PTPRQ: variants seen among roughly 807,000 people sequenced by gnomAD.
PTPRQ encodes the protein protein tyrosine phosphatase receptor type Q.
A neutral mutation model predicts 246.0 loss-of-function variants in PTPRQ; 199 were observed. That is an observed-to-expected ratio of 0.81 (90% CI 0.72 to 0.91). The LOEUF (loss-of-function observed/expected upper bound fraction) is 0.91. Ranked by LOEUF, PTPRQ falls within the 40% of genes least tolerant of loss-of-function variation. The pLI, the probability that PTPRQ is intolerant of heterozygous loss-of-function variation, is 0.00. For synonymous variants in PTPRQ, 869 were observed against 853.2 expected (o/e 1.02, Z -0.32); for missense variants, 2,624 against 2,528.4 (o/e 1.04, Z -0.81).
At chr12:80,454,912 C>T (rs1233908291) in intron 3 of PTPRQ, among the ~76,000 whole-genome samples, 2 of 152,228 alleles carry the variant, frequency 1.3e-5, no homozygotes, top group African/African-American at 4.8e-5. Flanking sequence ...TGCAGTGCCT[C>T]ATGCCTGTAA....
At chr12:80,570,676 G>A (rs554924940) in intron 25 of PTPRQ, among the ~76,000 whole-genome samples, 4 of 152,232 alleles carry the variant, frequency 2.6e-5, no homozygotes, top group African/African-American at 9.6e-5. Flanking sequence ...TGTCCTGAAT[G>A]GTATTGTGTA....
intron 8 of PTPRQ, among the ~76,000 whole-genome samples, chr12:80,480,682 T>G (rs111776018): frequency 1.3e-5 from 2 of 151,864 alleles, no homozygotes; most frequent in Admixed American, 1.3e-4. Context: ...TACAAAATGA[T>G]AAAGGGGATA....
chr12:80,616,113 A>G (rs1315881204), intron 29 of PTPRQ, 87 bp from the exon 30 acceptor site: 11 of 792,238 alleles, frequency 1.4e-5, no homozygotes, highest in African/African-American at 5.7e-5. Context: ...ATATACATAC[A>G]TATATAGATA....
intron 14 of PTPRQ, among the ~76,000 whole-genome samples, chr12:80,496,901 G>T (rs967797946): frequency 2.0e-5 from 3 of 151,970 alleles, no homozygotes; most frequent in African/African-American, 7.2e-5. Context: ...TGAGGTATGT[G>T]TATAGATAGT....
chr12:80,481,273 T>G (rs183231999), intron 8 of PTPRQ, among the ~76,000 whole-genome samples: 1 of 151,802 alleles, frequency 6.6e-6, no homozygotes, highest in Admixed American at 6.6e-5. Context: ...AAGACAAAAA[T>G]CACATGATTA....
At chr12:80,524,929 A>C (rs1895636442) in intron 17 of PTPRQ, among the ~76,000 whole-genome samples, 1 of 152,160 alleles carries the variant, frequency 6.6e-6, no homozygotes. Flanking sequence ...AAAACAGCGC[A>C]TTTATAGGAT....
In PTPRQ at chr12:80,495,101, A is replaced by G. The variant is rs751332334; in HGVS notation, c.1702+7A>G. 6.5e-7 allele frequency: 1 copy of G among 1,550,290 alleles called. No homozygotes were observed. Among genetic ancestry groups the G allele is most frequent in the East Asian group, 2.4e-5 (1 of 40,842 alleles). On this transcript the variant is annotated splice_region_variant and intron_variant, in intron 11 of 44. Transcript: ENST00000644991. ...GTTAGGACACGTCAGCAAGGTAAGGATGTATTTCCTTTGAAACAATTAACT... is the reference window on the plus strand; with the variant it reads ...GTTAGGACACGTCAGCAAGGTAAGGGTGTATTTCCTTTGAAACAATTAACT...
intron 39 of PTPRQ, among the ~76,000 whole-genome samples, chr12:80,663,328 A>G (rs558228111): frequency 2.6e-5 from 4 of 151,976 alleles, no homozygotes; most frequent in Non-Finnish European, 2.9e-5. Context: ...TATATTGTCT[A>G]TATTACTCTG....
Position 80,445,689 on chromosome 12 carries a change from T to G in PTPRQ, c.362T>G (p.Leu121Arg). The G allele has an allele frequency of 6.5e-7, 1 of 1,546,244 alleles. No individual in the cohort carries two copies. The highest frequency in any genetic ancestry group is 2.4e-5 in the East Asian group (1 of 40,874). Residue 121 changes from leucine to arginine, a missense_variant, in exon 3 of 45, where the codon CTT becomes CGT. By Grantham distance (102) the Leu-to-Arg change is moderately radical. Transcript: ENST00000644991. ...PDSLEVLLTN[L>R]NPGTTYEIKV... ...AGTCTGGAAGTTCTTCTTACTAATC[T>G]TAATCCTGGAACAACATATGAAATT...
Position 80,493,339 on chromosome 12 carries a change from A to G in PTPRQ, c.1424A>G (p.Glu475Gly). ...NIVEPMVGLY[E>G]GSAEMSSDLH... ...GTAGAGCCAATGGTAGGATTATATG[A>G]GGGTTCAGCAGAGATGTCGTCTGAC... Residue 475 changes from glutamate (E) to glycine (G), a missense_variant, in exon 10 of 45, where the codon GAG (glutamate) becomes GGG (glycine). Coordinates refer to ENST00000644991, the MANE Select transcript of PTPRQ (RefSeq NM_001145026.2). 6.5e-7 allele frequency: 1 copy of G among 1,549,614 alleles called. No homozygotes were observed. The highest frequency in any genetic ancestry group is 8.7e-7 in the Non-Finnish European group (1 of 1,145,682).
rs1453316090 is a variant in PTPRQ at position 80,534,094 on chromosome 12, A to C, written c.2758A>C (p.Ser920Arg). 1.9e-6 allele frequency: 3 copies of C among 1,540,644 alleles called. No individual in the cohort carries two copies. Among genetic ancestry groups the C allele is most frequent in the Admixed American group, 4.1e-5 (2 of 49,018 alleles). The stretch of plus-strand genomic sequence containing the variant: ...AGATTTGGATTATAATGTTGAATAC[A>C]GTGCTTATGTAACAGCTAGCACCAG... ...LSDLDYNVEYSAYVTASTRFG... is the reference protein window; with the variant it reads ...LSDLDYNVEYRAYVTASTRFG... Residue 920 changes from serine (S) to arginine (R), a missense_variant, in exon 18 of 45, where the codon AGT becomes CGT. Ser to Arg is a moderately radical substitution (Grantham distance 110). Coordinates refer to ENST00000644991, the MANE Select transcript of PTPRQ (RefSeq NM_001145026.2).
intron 43 of PTPRQ, among the ~76,000 whole-genome samples, chr12:80,678,101 ATAC>A (rs1901202968): frequency 6.6e-6 from 1 of 152,196 alleles, no homozygotes; most frequent in Non-Finnish European, 1.5e-5. Flanking sequence ...TCAGGACCAG[ATAC>A]TTGATCTTAA....
chr12:80,571,113 T>A (rs1394375358), intron 25 of PTPRQ, among the ~76,000 whole-genome samples: 12 of 152,216 alleles, frequency 7.9e-5, no homozygotes, highest in Non-Finnish European at 1.3e-4. Context: ...TTTCTAATTC[T>A]GTGAAGAAAG....
chr12:80,455,752 G>A (rs61950907), intron 3 of PTPRQ, among the ~76,000 whole-genome samples: 2,708 of 144,938 alleles, frequency 0.019, 86 homozygotes, highest in African/African-American at 0.07. Context: ...CACCATGCCC[G>A]GCTAATTTTT....
intron 25 of PTPRQ, among the ~76,000 whole-genome samples, chr12:80,556,050 CAG>C (rs1322664077): frequency 6.6e-6 from 1 of 151,720 alleles, no homozygotes. Flanking sequence ...TTTTTTGAGA[CAG>C]AGTCTTGCTC....
chr12:80,537,135 G>A (rs1319672752), intron 19 of PTPRQ, among the ~76,000 whole-genome samples: 1 of 152,142 alleles, frequency 6.6e-6, no homozygotes, highest in Non-Finnish European at 1.5e-5. Flanking sequence ...GAGGGCACAG[G>A]CTAATGATGT....
intron 17 of PTPRQ, among the ~76,000 whole-genome samples, chr12:80,520,092 T>C (rs1258274496): frequency 2.0e-5 from 3 of 152,092 alleles, no homozygotes; most frequent in African/African-American, 4.8e-5. Context: ...TGTTTATAAT[T>C]TGGTATCTTA....
chr12:80,487,961 G>T (rs552916071), intron 9 of PTPRQ, among the ~76,000 whole-genome samples: 1 of 152,156 alleles, frequency 6.6e-6, no homozygotes, highest in East Asian at 1.9e-4. Context: ...TTCTCATCTG[G>T]AGGCTTGACT....
intron 33 of PTPRQ, among the ~76,000 whole-genome samples, chr12:80,623,630 C>G (rs1227153663): frequency 6.6e-6 from 1 of 152,060 alleles, no homozygotes; most frequent in African/African-American, 2.4e-5. Context: ...GGTAAAAGAC[C>G]TAGACAAGAT....
Sources: allele counts gnomAD v4.1 joint callset (sites outside exome capture counted in the v4.1 genomes callset), GRCh38; gene constraint gnomAD v4.1.1; transcripts MANE v1.5; gene names NCBI Gene and HGNC (gene_info 2026-07-23, HGNC 2026-07-21).